Variants in SPTA1 observed in about 807,000 individuals in gnomAD.
SPTA1 encodes spectrin alpha chain, erythrocytic 1.
SPTA1 carries 177 observed loss-of-function variants against 324.7 expected under a neutral mutation model. That is an observed-to-expected ratio of 0.55 (90% CI 0.48 to 0.62). SPTA1 has a LOEUF of 0.62. SPTA1 is among the 20% of genes least tolerant of loss of function. The pLI, the probability that SPTA1 is intolerant of heterozygous loss-of-function variation, is 0.00. For missense variants in SPTA1, 3,162 were observed against 2,883.6 expected, an observed-to-expected ratio of 1.10 and a Z score of -2.21; for synonymous variants, 1,195 against 1,041.3, an observed-to-expected ratio of 1.15 and a Z score of -2.84.
At position 158,656,548 on chromosome 1, in the gene SPTA1, G is replaced by A. The variant is rs750751428; in HGVS notation, c.2898+16C>T. The A allele has an allele frequency of 1.2e-5, 19 of 1,604,922 alleles. No individual in the cohort carries two copies. In the South Asian group the frequency reaches 1.4e-4, roughly 12 times the overall value. On this transcript the variant is annotated intron_variant, in intron 20 of 51. Coordinates refer to ENST00000643759, the MANE Select transcript of SPTA1 (RefSeq NM_003126.4). ...GGTGGGAAGTGTGAATCCTGTCATC[G>A]CTAAGTTAGTCTTACCTGGCAGGCG...
intron 18 of SPTA1, among the ~76,000 whole-genome samples, chr1:158,660,354 T>C (rs571884269): frequency 6.6e-6 from 1 of 152,224 alleles, no homozygotes; most frequent in South Asian, 2.1e-4. Context: ...CAAAAACTAA[T>C]CAAAAGATAG....
At chr1:158,664,987 G>A (rs1360274851) in intron 16 of SPTA1, among the ~76,000 whole-genome samples, 1 of 152,160 alleles carries the variant, frequency 6.6e-6, no homozygotes, top group East Asian at 1.9e-4. Flanking sequence ...CTTTGGGCTA[G>A]AAGATATTGA....
intron 33 of SPTA1, among the ~76,000 whole-genome samples, chr1:158,641,725 G>A (rs1206389390): frequency 6.6e-6 from 1 of 152,194 alleles, no homozygotes; most frequent in African/African-American, 2.4e-5. Context: ...CTGTAAACTG[G>A]TTCAACCATT....
Position 158,659,853 on chromosome 1 carries a change from A to G in SPTA1, c.2587+1434T>C, listed in dbSNP as rs967980762. On this transcript the variant is annotated intron_variant, in intron 18 of 51. Coordinates refer to ENST00000643759, the MANE Select transcript of SPTA1 (RefSeq NM_003126.4). ...TCTCGATCTCCTGACCTCATGATCCACTCGCCTCGGCCTCCCAAAGTGCTG... is the reference window on the plus strand; with the variant it reads ...TCTCGATCTCCTGACCTCATGATCCGCTCGCCTCGGCCTCCCAAAGTGCTG... Among the ~76,000 whole-genome samples, 11 of 59,324 alleles carry G rather than the reference A, an allele frequency of 1.9e-4. 1 individual carries two copies. Among genetic ancestry groups the G allele is most frequent in the South Asian group, 1.3e-3 (4 of 3,134 alleles). The allele number at this position is 59,324 out of a possible 152,430, so 38.9% of individuals were successfully genotyped here.
intron 23 of SPTA1, 143 bp downstream of exon 23, chr1:158,652,324 G>C (rs938464085): frequency 1.1e-5 from 10 of 911,040 alleles, no homozygotes; most frequent in Admixed American, 4.1e-5. Context: ...ACAATACCTA[G>C]AGGGAGATCT....
At chr1:158,653,649 CCTTAA>C (rs1357949390) in intron 21 of SPTA1, among the ~76,000 whole-genome samples, 1 of 151,996 alleles carries the variant, frequency 6.6e-6, no homozygotes, top group Non-Finnish European at 1.5e-5. Context: ...AATGTTAGAC[CCTTAA>C]CTTTGGAGAG....
At chr1:158,634,775 T>A in intron 38 of SPTA1, 100 bp from the exon 39 acceptor site, 1 of 1,420,218 alleles carries the variant, frequency 7.0e-7, no homozygotes, top group Non-Finnish European at 9.8e-7. Context: ...ACCAGCTTAT[T>A]CTCACAAGGC....
intron 10 of SPTA1, among the ~76,000 whole-genome samples, chr1:158,672,729 C>G (rs149635010): frequency 6.6e-6 from 1 of 152,036 alleles, no homozygotes; most frequent in South Asian, 2.1e-4. Context: ...CATGAAAAAG[C>G]CTTTGTTTCT....
intron 21 of SPTA1, 37 bp downstream of exon 21, chr1:158,654,574 G>T: frequency 6.2e-7 from 1 of 1,613,690 alleles, no homozygotes; most frequent in East Asian, 2.2e-5. Flanking sequence ...TTCTGAAAGA[G>T]CCACTTTTTG....
chr1:158,680,688 C>T lies in SPTA1; in HGVS notation c.573G>A (p.Glu191=). 6.2e-7 allele frequency: 1 copy of T among 1,613,896 alleles called. No homozygotes were observed. The highest frequency in any genetic ancestry group is 1.1e-5 in the South Asian group (1 of 91,084). ...ATSVELGEDW[E]RTEVLHKKFE... is the part of the protein sequence containing the mutation. Reference sequence around the variant, plus strand: ...ATTTCTTATGCAGAACTTCGGTGCGCTCCCAGTCTTCACCTAGCTCCACTG... The same window carrying T: ...ATTTCTTATGCAGAACTTCGGTGCGTTCCCAGTCTTCACCTAGCTCCACTG... Residue 191 remains glutamate (E), a synonymous_variant, in exon 5 of 52, where the codon GAG becomes GAA. Transcript: ENST00000643759.
chr1:158,653,159 C>T lies in SPTA1; in HGVS notation c.3188+115G>A, dbSNP rs2101864424. The T allele has an allele frequency of 3.3e-6, 5 of 1,505,766 alleles. No homozygotes were observed. The South Asian group carries it at 4.6e-5, about 14-fold the overall frequency. The allele number at this position is 1,505,766 out of a possible 1,614,324, so 93.3% of individuals were successfully genotyped here. ...TAGGTTTACTTTCGATTCTTAAAAT[C>T]TTCAGATTTTCTGTGGCATCTCAAA... On this transcript the variant is annotated intron_variant, in intron 22 of 51. Coordinates refer to ENST00000643759, the MANE Select transcript of SPTA1 (RefSeq NM_003126.4).
chr1:158,656,523 G>A (rs375001730), intron 20 of SPTA1, 41 bp downstream of exon 20: 139 of 1,539,594 alleles, frequency 9.0e-5, no homozygotes, highest in Non-Finnish European at 1.2e-4. Flanking sequence ...TTTTCTTTGT[G>A]GTGGGAAGTG....
Position 158,643,408 on chromosome 1 carries a change from G to T in SPTA1, c.4356C>A (p.Asp1452Glu), listed in dbSNP as rs764915646. ...AITAQEGKIT[D>E]LEHFAESLIA... The stretch of plus-strand genomic sequence containing the variant: ...TGAGGCTCTCAGCAAAATGTTCTAG[G>T]TCAGTGATCTTCCCTTCCTAAATAA... Residue 1452 changes from aspartate to glutamate, a missense_variant, in exon 31 of 52, where the codon GAC (aspartate) becomes GAA (glutamate). Transcript: ENST00000643759. 4 of 1,613,602 alleles carry T rather than the reference G, an allele frequency of 2.5e-6. No homozygotes were observed. The highest frequency in any genetic ancestry group is 1.1e-5 in the South Asian group (1 of 91,072).
intron 19 of SPTA1, 134 bp downstream of exon 19, chr1:158,657,343 C>T: frequency 2.2e-6 from 2 of 890,702 alleles, no homozygotes; most frequent in Non-Finnish European, 3.7e-6. Flanking sequence ...AGATGAAGGC[C>T]AACGGCGACC....
intron 35 of SPTA1, 113 bp downstream of exon 35, chr1:158,639,469 A>T: frequency 9.2e-7 from 1 of 1,091,590 alleles, no homozygotes; most frequent in Non-Finnish European, 1.4e-6. Context: ...GGTTGAGAAC[A>T]CTAAGAACAA....
In SPTA1 at chr1:158,614,280, G is replaced by T; in HGVS notation, c.6815C>A (p.Thr2272Asn). 1 of 1,591,236 alleles carries T rather than the reference G, an allele frequency of 6.3e-7. No homozygotes were observed. The highest frequency in any genetic ancestry group is 8.6e-7 in the Non-Finnish European group (1 of 1,160,586). The change falls in exon 49 of 52, where the codon ACT becomes AAT. Residue 2272 changes from threonine (T) to asparagine (N), a missense_variant. Coordinates refer to ENST00000643759, the MANE Select transcript of SPTA1 (RefSeq NM_003126.4). ...ATAGATTGTGCTAAATTCCTTTAGA[G>T]TCTCTTCACTCACACCTTTGATGTC... ...AKDIKGVSEE[T>N]LKEFSTIYKH...
At chr1:158,656,491 A>C (rs946290382) in intron 20 of SPTA1, 73 bp downstream of exon 20, 18 of 1,404,812 alleles carry the variant, frequency 1.3e-5, no homozygotes, top group Non-Finnish European at 1.8e-5. Context: ...AAAGTAAAAA[A>C]TCAGCAATAA....
intron 15 of SPTA1, among the ~76,000 whole-genome samples, chr1:158,666,958 C>T (rs1653647946): frequency 6.6e-6 from 1 of 152,180 alleles, no homozygotes; most frequent in South Asian, 2.1e-4. Context: ...TCTTTCATCA[C>T]CAACTGTTCC....
At chr1:158,658,387 T>A (rs1037601222) in intron 18 of SPTA1, among the ~76,000 whole-genome samples, 11 of 152,172 alleles carry the variant, frequency 7.2e-5, no homozygotes, top group African/African-American at 2.4e-4. Flanking sequence ...TTTGTCTGAT[T>A]ACTCATATGC....
Sources: allele counts gnomAD v4.1 joint callset (sites outside exome capture counted in the v4.1 genomes callset), GRCh38; gene constraint gnomAD v4.1.1; transcripts MANE v1.5; gene names NCBI Gene and HGNC (gene_info 2026-07-23, HGNC 2026-07-21).